GRIA4: variants seen among roughly 807,000 people sequenced by gnomAD.
The protein encoded by GRIA4 is glutamate receptor 4.
In GRIA4, 34 loss-of-function variants were observed where a neutral mutation model predicts 104.0. That is an observed-to-expected ratio of 0.33 (90% CI 0.25 to 0.44). GRIA4 has a LOEUF of 0.44. Among genes scored for constraint, GRIA4 ranks in the 20% least tolerant of loss-of-function variants. The probability of loss-of-function intolerance (pLI) is 1.00; values close to 1 mark genes in which losing one functional copy is unlikely to be tolerated. For missense variants in GRIA4, 750 were observed against 1,096.5 expected (o/e 0.68, Z 4.46); for synonymous variants, 386 against 381.9 (o/e 1.01, Z -0.13).
At chr11:105,799,954 T>A (rs1292506334) in intron 4 of GRIA4, among the ~76,000 whole-genome samples, 1 of 152,056 alleles carries the variant, frequency 6.6e-6, no homozygotes, top group African/African-American at 2.4e-5. Flanking sequence ...TTAAGCTGGA[T>A]TGGAATTTTG....
chr11:105,917,717 T>A (rs1421312916), intron 10 of GRIA4, among the ~76,000 whole-genome samples: 2 of 152,042 alleles, frequency 1.3e-5, no homozygotes, highest in Admixed American at 6.6e-5. Context: ...GTTCACCAGG[T>A]TTATCTTTGG....
intron 14 of GRIA4, among the ~76,000 whole-genome samples, chr11:105,958,113 T>C (rs989987462): frequency 2.0e-5 from 3 of 152,208 alleles, no homozygotes; most frequent in Admixed American, 1.3e-4. Context: ...TTTCTTCTCC[T>C]GCCTGATTGC....
At chr11:105,923,986 A>G (rs1947638842) in intron 11 of GRIA4, among the ~76,000 whole-genome samples, 1 of 152,144 alleles carries the variant, frequency 6.6e-6, no homozygotes, top group Non-Finnish European at 1.5e-5. Flanking sequence ...ATCAGTGGCA[A>G]TGCTCCAAAT....
At chr11:105,772,531 T>C (rs1941257756) in intron 4 of GRIA4, among the ~76,000 whole-genome samples, 1 of 152,140 alleles carries the variant, frequency 6.6e-6, no homozygotes, top group African/African-American at 2.4e-5. Flanking sequence ...GCATATAACA[T>C]ATAAAATATG....
At chr11:105,616,094 G>A (rs932531845) in intron 3 of GRIA4, among the ~76,000 whole-genome samples, 3 of 151,578 alleles carry the variant, frequency 2.0e-5, no homozygotes, top group African/African-American at 2.4e-5. Context: ...ATGTATTATC[G>A]TCTTGGTGAA....
intron 11 of GRIA4, among the ~76,000 whole-genome samples, chr11:105,921,306 G>GGT (rs5794436): frequency 0.2 from 27,403 of 138,584 alleles, 2,524 homozygotes; most frequent in Admixed American, 0.25. Flanking sequence ...ACCACACTTG[G>GGT]GTGTGTGTGT....
At chr11:105,676,258 AT>A (rs1231244339) in intron 3 of GRIA4, among the ~76,000 whole-genome samples, 1 of 151,702 alleles carries the variant, frequency 6.6e-6, no homozygotes, top group South Asian at 2.1e-4. Flanking sequence ...ATAGGTATGA[AT>A]ATTTTCCAGG....
intron 7 of GRIA4, among the ~76,000 whole-genome samples, chr11:105,901,125 T>C (rs72976048): frequency 0.17 from 25,876 of 152,042 alleles, 2,770 homozygotes; most frequent in Non-Finnish European, 0.22. Flanking sequence ...TTTGTAGTCT[T>C]CATGATTCCT....
intron 4 of GRIA4, among the ~76,000 whole-genome samples, chr11:105,847,034 G>T (rs563255476): frequency 6.6e-6 from 1 of 152,134 alleles, no homozygotes; most frequent in South Asian, 2.1e-4. Flanking sequence ...CAGGAAAATT[G>T]GGGGGATGAA....
At chr11:105,620,204 G>C (rs555177789) in intron 3 of GRIA4, among the ~76,000 whole-genome samples, 196 of 151,926 alleles carry the variant, frequency 1.3e-3, no homozygotes, top group Non-Finnish European at 2.1e-4. Context: ...TGCAGGATTT[G>C]ACATTGCTGA....
At chr11:105,963,164 TC>T (rs1948783313) in intron 14 of GRIA4, among the ~76,000 whole-genome samples, 1 of 152,240 alleles carries the variant, frequency 6.6e-6, no homozygotes, top group South Asian at 2.1e-4. Flanking sequence ...GATTTCACTT[TC>T]TTCTTAGCTT....
intron 6 of GRIA4, among the ~76,000 whole-genome samples, chr11:105,893,312 T>C (rs1457835113): frequency 6.6e-6 from 1 of 152,034 alleles, no homozygotes; most frequent in Admixed American, 6.6e-5. Context: ...AAAATTGAAA[T>C]CAAAATGGCC....
intron 3 of GRIA4, 36 bp from the exon 4 acceptor site, chr11:105,752,945 C>G (rs367761058): frequency 6.3e-7 from 1 of 1,599,524 alleles, no homozygotes; most frequent in Non-Finnish European, 8.6e-7. Flanking sequence ...TTTGAGTGTG[C>G]TAATAGTTTG....
intron 3 of GRIA4, among the ~76,000 whole-genome samples, chr11:105,742,790 G>A (rs184807937): frequency 7.2e-5 from 11 of 152,224 alleles, no homozygotes; most frequent in African/African-American, 2.2e-4. Flanking sequence ...AAGCTGGAGT[G>A]CAGTGGCGAG....
At chr11:105,910,148 C>T (rs547654649) in intron 9 of GRIA4, among the ~76,000 whole-genome samples, 2 of 152,220 alleles carry the variant, frequency 1.3e-5, no homozygotes, top group Admixed American at 6.6e-5. Flanking sequence ...AATAATGCAC[C>T]GTGCTCATAT....
intron 3 of GRIA4, among the ~76,000 whole-genome samples, chr11:105,680,852 T>C (rs927828387): frequency 6.6e-6 from 1 of 152,132 alleles, no homozygotes; most frequent in African/African-American, 2.4e-5. Flanking sequence ...CAAGCCACAA[T>C]TACAAGTAAC....
chr11:105,699,918 C>T (rs1953423842), intron 3 of GRIA4, among the ~76,000 whole-genome samples: 1 of 152,124 alleles, frequency 6.6e-6, no homozygotes, highest in South Asian at 2.1e-4. Context: ...CACCTGTCTT[C>T]AACTACTAAA....
At chr11:105,843,779 G>A (rs1314624224) in intron 4 of GRIA4, among the ~76,000 whole-genome samples, 3 of 152,192 alleles carry the variant, frequency 2.0e-5, no homozygotes, top group African/African-American at 7.2e-5. Context: ...TTGACCTTTG[G>A]CCAGATAAGG....
rs1382521950 is a variant in GRIA4, at chr11:105,823,813, C to CATATGTTGTAAGCCT, written c.488-38209_488-38195dup. Among the ~76,000 whole-genome samples, 3 of 152,020 alleles carry CATATGTTGTAAGCCT rather than the reference C, an allele frequency of 2.0e-5. No homozygotes were observed. The East Asian group carries it at 5.8e-4, about 29-fold the overall frequency. Reference sequence around the variant, plus strand: ...GCTGAATTGTATCCCCCTCCAAATTCATATGTTGTAAGCCTAACCCCCCGT... The same window carrying CATATGTTGTAAGCCT: ...GCTGAATTGTATCCCCCTCCAAATTCATATGTTGTAAGCCTATATGTTGTAAGCCTAACCCCCCGT... On this transcript the variant is annotated intron_variant, in intron 4 of 16. Transcript: ENST00000282499.
Sources: allele counts gnomAD v4.1 joint callset (sites outside exome capture counted in the v4.1 genomes callset), GRCh38; gene constraint gnomAD v4.1.1; transcripts MANE v1.5; gene names NCBI Gene and HGNC (gene_info 2026-07-23, HGNC 2026-07-21).